ALKAL1: variants seen among roughly 807,000 people sequenced by gnomAD.
ALKAL1 encodes AUG-beta.
ALKAL1 carries 23 observed loss-of-function variants against 13.5 expected under a neutral mutation model. The observed-to-expected ratio is 1.70, with a 90% CI of 1.23 to 2.41. ALKAL1 has a LOEUF of 2.41. ALKAL1 is among the 30% of genes most tolerant of loss of function. The probability of loss-of-function intolerance (pLI) is 0.00; values close to 1 mark genes in which losing one functional copy is unlikely to be tolerated. For synonymous variants in ALKAL1, 85 were observed against 77.7 expected (o/e 1.09, Z -0.49); for missense variants, 181 against 178.4 (o/e 1.01, Z -0.08).
chr8:52,561,748 A>G (rs1195987440), intron 1 of ALKAL1, among the ~76,000 whole-genome samples: 1 of 152,174 alleles, frequency 6.6e-6, no homozygotes, highest in Non-Finnish European at 1.5e-5. Context: ...ACCCCTTCAC[A>G]TTCTCTCCTT....
intron 4 of ALKAL1, among the ~76,000 whole-genome samples, chr8:52,536,612 T>C (rs1233440292): frequency 6.6e-6 from 1 of 152,208 alleles, no homozygotes; most frequent in South Asian, 2.1e-4. Context: ...TTGCTTTTTC[T>C]CTTATTATTA....
chr8:52,540,726 C>T (rs1043882155), intron 2 of ALKAL1, among the ~76,000 whole-genome samples: 1 of 152,014 alleles, frequency 6.6e-6, no homozygotes, highest in Non-Finnish European at 1.5e-5. Flanking sequence ...CAGAGTGAGA[C>T]CCCATCTCTT....
At position 52,565,305 on chromosome 8, in the gene ALKAL1, G is replaced by T; in HGVS notation, c.-49C>A. ...CGGGAGACTCCGGGAGGATCCCGAC[G>T]CAGGTCCGGAGGGTGCGCGGCCCAA... On this transcript the variant is annotated 5_prime_UTR_variant, in exon 1 of 5. Coordinates refer to ENST00000358543, the MANE Select transcript of ALKAL1 (RefSeq NM_207413.4). The T allele has an allele frequency of 7.9e-7, 1 of 1,269,232 alleles. No individual in the cohort carries two copies. Among genetic ancestry groups the T allele is most frequent in the Non-Finnish European group, 1.0e-6 (1 of 994,302 alleles). 78.6% of individuals were successfully genotyped at this position (1,269,232 alleles called of 1,614,324 possible). A position where few individuals can be genotyped will look rare whatever the true frequency, so the allele number is the denominator to read the frequency against.
At chr8:52,563,708 G>T (rs1195977308) in intron 1 of ALKAL1, among the ~76,000 whole-genome samples, 8 of 152,196 alleles carry the variant, frequency 5.3e-5, no homozygotes, top group African/African-American at 1.9e-4. Context: ...TGCGGACACT[G>T]ACCCTGTGCC....
chr8:52,548,121 G>A (rs772350919), intron 1 of ALKAL1, among the ~76,000 whole-genome samples: 14 of 152,140 alleles, frequency 9.2e-5, no homozygotes, highest in East Asian at 3.9e-4. Flanking sequence ...GGCCGAGGCC[G>A]GTGGATCGCC....
At chr8:52,545,092 T>G (rs1249801885) in intron 1 of ALKAL1, among the ~76,000 whole-genome samples, 1 of 152,056 alleles carries the variant, frequency 6.6e-6, no homozygotes, top group Non-Finnish European at 1.5e-5. Context: ...AAACTATTTT[T>G]AATAATAAAA....
At chr8:52,559,200 A>G (rs919558532) in intron 1 of ALKAL1, among the ~76,000 whole-genome samples, 1 of 152,218 alleles carries the variant, frequency 6.6e-6, no homozygotes, top group African/African-American at 2.4e-5. Flanking sequence ...CAGAGAGGAC[A>G]AATATCCGAA....
chr8:52,549,794 TAGTC>T (rs1318328501), intron 1 of ALKAL1, among the ~76,000 whole-genome samples: 2 of 151,868 alleles, frequency 1.3e-5, no homozygotes, highest in East Asian at 3.9e-4. Context: ...ATATAAAAAT[TAGTC>T]AGGCGTGGTG....
intron 3 of ALKAL1, 40 bp from the exon 4 acceptor site, chr8:52,538,547 C>G (rs1278337125): frequency 7.5e-7 from 1 of 1,324,990 alleles, no homozygotes; most frequent in Middle Eastern, 2.1e-4. Context: ...TATAGAGTTA[C>G]TAGAAATGTT....
chr8:52,546,096 T>C (rs1056149304), intron 1 of ALKAL1, among the ~76,000 whole-genome samples: 3 of 152,208 alleles, frequency 2.0e-5, no homozygotes, highest in African/African-American at 4.8e-5. Flanking sequence ...TACAGTATTA[T>C]AATCTTATAG....
At position 52,539,718 on chromosome 8, in the gene ALKAL1, T is replaced by A. The variant is rs537551634; in HGVS notation, c.325+113A>T. On this transcript the variant is annotated intron_variant, in intron 3 of 4. Transcript: ENST00000358543. The stretch of plus-strand genomic sequence containing the variant: ...CAGTGTTCTAAATCAGTGTTATAAA[T>A]AGAATCTCAATGTTTAGTCTACTAC... 1.2e-4 allele frequency: 93 copies of A among 754,994 alleles called. 1 individual carries two copies. In the South Asian group the frequency reaches 1.6e-3, roughly 13 times the overall value. The allele number at this position is 754,994 out of a possible 1,614,324, so 46.8% of individuals were successfully genotyped here. A position where few individuals can be genotyped will look rare whatever the true frequency, so the allele number is the denominator to read the frequency against.
In ALKAL1 at chr8:52,534,229, C is replaced by CA. The variant is rs1296753531; in HGVS notation, c.*383dup. Reference sequence around the variant, plus strand: ...ACAAATATATACTAACAGTCATATACAAAAAAATCATTATTTCTCACTGGC... The same window carrying CA: ...ACAAATATATACTAACAGTCATATACAAAAAAAATCATTATTTCTCACTGGC... On this transcript the variant is annotated 3_prime_UTR_variant, in exon 5 of 5. Transcript: ENST00000358543. The CA allele has an allele frequency of 5.0e-5, 8 of 159,808 alleles. No homozygotes were observed. The highest frequency in any genetic ancestry group is 1.1e-4 in the Non-Finnish European group (8 of 73,426). 9.9% of individuals were successfully genotyped at this position (159,808 alleles called of 1,614,324 possible). A position where few individuals can be genotyped will look rare whatever the true frequency, so the allele number is the denominator to read the frequency against.
rs919835004 is a variant in ALKAL1 at position 52,540,380 on chromosome 8, G to T, written c.245-469C>A. 6.9e-4 allele frequency among the ~76,000 whole-genome samples: 105 copies of T among 152,080 alleles called. 1 individual carries two copies. The highest frequency in any genetic ancestry group is 2.4e-3 in the African/African-American group (101 of 41,406). On this transcript the variant is annotated intron_variant, in intron 2 of 4. Transcript: ENST00000358543. ...GTCTAGGATAATTGTAAAATGAGCA[G>T]GGCCTTGAGAAGTCCCTTGTCTCTC...
chr8:52,561,430 C>T (rs1847549532), intron 1 of ALKAL1, among the ~76,000 whole-genome samples: 1 of 152,114 alleles, frequency 6.6e-6, no homozygotes, highest in African/African-American at 2.4e-5. Context: ...TTCCAGCAGG[C>T]AGAGGTAAGA....
chr8:52,542,519 A>G, intron 1 of ALKAL1, 74 bp from the exon 2 acceptor site: 1 of 906,612 alleles, frequency 1.1e-6, no homozygotes, highest in Non-Finnish European at 1.7e-6. Context: ...TAATATGCTA[A>G]TTACTTAATA....
chr8:52,539,011 C>CA lies in ALKAL1; in HGVS notation c.326-505dup, dbSNP rs555263597. 3.7e-3 allele frequency among the ~76,000 whole-genome samples: 570 copies of CA among 152,132 alleles called. 3 individuals are homozygous for CA. The highest frequency in any genetic ancestry group is 0.013 in the African/African-American group (530 of 41,494). On this transcript the variant is annotated intron_variant, in intron 3 of 4. Transcript: ENST00000358543. ...TTCACCATGTTGCCAAGGCTGGTCT[C>CA]AAACGCCTGAGCTCAAGCGATCCGC... is the stretch of plus-strand genomic sequence containing the variant.
At chr8:52,560,897 C>G (rs1847543186) in intron 1 of ALKAL1, among the ~76,000 whole-genome samples, 1 of 152,150 alleles carries the variant, frequency 6.6e-6, no homozygotes, top group African/African-American at 2.4e-5. Flanking sequence ...TCTCCCCATA[C>G]TAACAGTTTT....
chr8:52,544,916 A>C (rs1010988597), intron 1 of ALKAL1, among the ~76,000 whole-genome samples: 1 of 152,134 alleles, frequency 6.6e-6, no homozygotes, highest in African/African-American at 2.4e-5. Flanking sequence ...TTTTTTAATA[A>C]ATAAATTTTG....
intron 1 of ALKAL1, among the ~76,000 whole-genome samples, chr8:52,549,773 C>A (rs1384368949): frequency 6.6e-6 from 1 of 152,018 alleles, no homozygotes; most frequent in Non-Finnish European, 1.5e-5. Flanking sequence ...GAAACCCCAT[C>A]TCTACTAAAA....
Sources: gnomAD v4.1 joint callset for allele counts (sites outside exome capture counted in the v4.1 genomes callset) on GRCh38, gnomAD v4.1.1 for gene constraint, MANE v1.5 for transcripts, NCBI Gene and HGNC (gene_info 2026-07-23, HGNC 2026-07-21) for gene names.